The following ICA1 variants were observed in gnomAD, a reference collection of about 807,000 sequenced individuals.
ICA1 encodes the protein islet cell autoantigen 1.
In ICA1, 40 loss-of-function variants were observed where a neutral mutation model predicts 71.0. That is an observed-to-expected ratio of 0.56 (90% CI 0.44 to 0.73). The LOEUF (loss-of-function observed/expected upper bound fraction) is 0.73, where lower values mean the gene tolerates loss of function less well. Ranked by LOEUF, ICA1 falls within the 30% of genes least tolerant of loss-of-function variation. The pLI is 0.00. For synonymous variants in ICA1, 207 were observed against 209.5 expected, an observed-to-expected ratio of 0.99 and a Z score of 0.10; for missense variants, 578 against 576.5, an observed-to-expected ratio of 1.00 and a Z score of -0.03.
intron 6 of ICA1, among the ~76,000 whole-genome samples, chr7:8,205,424 T>A (rs1206733913): frequency 6.6e-6 from 1 of 152,220 alleles, no homozygotes; most frequent in East Asian, 1.9e-4. Flanking sequence ...ATCCTCTGTG[T>A]TCCCAGTCAT....
intron 5 of ICA1, 93 bp from the exon 6 acceptor site, chr7:8,218,596 A>G: frequency 1.0e-6 from 1 of 961,664 alleles, no homozygotes; most frequent in Non-Finnish European, 1.7e-6. Flanking sequence ...GTGAGTCTAG[A>G]ACAGTACCTG....
intron 4 of ICA1, among the ~76,000 whole-genome samples, chr7:8,225,882 A>G (rs538570001): frequency 6.6e-6 from 1 of 152,322 alleles, no homozygotes; most frequent in African/African-American, 2.4e-5. Context: ...ATGTAGTTTC[A>G]GCATTGCTAA....
intron 1 of ICA1, among the ~76,000 whole-genome samples, chr7:8,259,389 C>T (rs960701685): frequency 1.6e-4 from 25 of 152,248 alleles, no homozygotes; most frequent in African/African-American, 5.5e-4. Context: ...TGGTTGCACC[C>T]CCCAACTTCA....
In ICA1 at chr7:8,183,330, A is replaced by G. The variant is rs1042705686; in HGVS notation, c.580-24678T>C. The stretch of plus-strand genomic sequence containing the variant: ...CCAGATATTTGTCCCGTTAAAGGCT[A>G]TTCTAACCCCCGTCTACAGATGTGG... On this transcript the variant is annotated intron_variant, in intron 6 of 13. Transcript: ENST00000402384. Among the ~76,000 whole-genome samples, 5 of 152,332 alleles carry G rather than the reference A, an allele frequency of 3.3e-5. No individual in the cohort carries two copies. The East Asian group carries it at 5.8e-4, about 18-fold the overall frequency.
chr7:8,261,374 C>T (rs1378116999), intron 1 of ICA1, among the ~76,000 whole-genome samples: 1 of 152,092 alleles, frequency 6.6e-6, no homozygotes, highest in Non-Finnish European at 1.5e-5. Flanking sequence ...ATGTTCGTTT[C>T]TAGAGGAAGC....
At chr7:8,189,316 C>A (rs918102944) in intron 6 of ICA1, among the ~76,000 whole-genome samples, 3 of 152,182 alleles carry the variant, frequency 2.0e-5, no homozygotes, top group Non-Finnish European at 4.4e-5. Flanking sequence ...AGGCTTATAA[C>A]TCATTTAGTA....
intron 3 of ICA1, among the ~76,000 whole-genome samples, chr7:8,231,616 G>C (rs981100307): frequency 2.0e-5 from 3 of 152,150 alleles, no homozygotes; most frequent in Admixed American, 1.3e-4. Context: ...AGTTACAGCA[G>C]ATAGTAGGTA....
At chr7:8,248,117 A>G (rs1279093168) in intron 1 of ICA1, among the ~76,000 whole-genome samples, 1 of 152,200 alleles carries the variant, frequency 6.6e-6, no homozygotes, top group African/African-American at 2.4e-5. Flanking sequence ...ACGTCATTTT[A>G]CTTATGCAAA....
At chr7:8,211,190 T>G (rs953321942) in intron 6 of ICA1, among the ~76,000 whole-genome samples, 3 of 152,176 alleles carry the variant, frequency 2.0e-5, no homozygotes, top group Non-Finnish European at 4.4e-5. Flanking sequence ...TTACTTAGCA[T>G]ATGTGTTTTG....
chr7:8,129,156 C>T (rs1218097205), intron 12 of ICA1, among the ~76,000 whole-genome samples: 2 of 152,106 alleles, frequency 1.3e-5, no homozygotes, highest in Non-Finnish European at 2.9e-5. Flanking sequence ...ATTTTGAGAA[C>T]CAAAGACTGA....
intron 6 of ICA1, among the ~76,000 whole-genome samples, chr7:8,184,681 T>A (rs1478576232): frequency 1.3e-5 from 2 of 152,236 alleles, no homozygotes; most frequent in Non-Finnish European, 2.9e-5. Flanking sequence ...GCCTATTGTA[T>A]GTTAAATATA....
At chr7:8,128,227 G>T in intron 12 of ICA1, 85 bp from the exon 13 acceptor site, 1 of 1,391,168 alleles carries the variant, frequency 7.2e-7, no homozygotes, top group South Asian at 1.4e-5. Context: ...CGAAGGGGGA[G>T]ACTGGTTGAT....
At chr7:8,154,524 A>C (rs758361423) in intron 8 of ICA1, among the ~76,000 whole-genome samples, 4 of 152,238 alleles carry the variant, frequency 2.6e-5, no homozygotes, top group Non-Finnish European at 5.9e-5. Context: ...AGAGCTTGGC[A>C]ACCCTCTCTA....
At chr7:8,153,775 A>C (rs991314071) in intron 8 of ICA1, among the ~76,000 whole-genome samples, 3 of 151,240 alleles carry the variant, frequency 2.0e-5, no homozygotes, top group Non-Finnish European at 2.9e-5. Context: ...ACCACGTGAA[A>C]GATAGTCCCA....
chr7:8,163,929 A>G (rs933010446), intron 6 of ICA1, among the ~76,000 whole-genome samples: 1 of 152,156 alleles, frequency 6.6e-6, no homozygotes, highest in African/African-American at 2.4e-5. Context: ...CTTTTAAGCA[A>G]GGAAGAGAGA....
At chr7:8,229,016 C>A (rs773277474) in intron 3 of ICA1, among the ~76,000 whole-genome samples, 23 of 152,018 alleles carry the variant, frequency 1.5e-4, no homozygotes, top group Non-Finnish European at 2.9e-4. Context: ...ACCCAATATT[C>A]ATTCATAATC....
intron 6 of ICA1, among the ~76,000 whole-genome samples, chr7:8,213,421 G>A (rs530593522): frequency 1.8e-4 from 27 of 152,304 alleles, no homozygotes; most frequent in Admixed American, 7.2e-4. Flanking sequence ...GGCATAGGGG[G>A]AGGTGTCCCA....
intron 12 of ICA1, among the ~76,000 whole-genome samples, chr7:8,134,481 T>C (rs929765359): frequency 3.3e-5 from 5 of 152,156 alleles, no homozygotes; most frequent in East Asian, 1.9e-4. Flanking sequence ...GGCAGATAAA[T>C]GTCACTTAAT....
chr7:8,129,850 C>T (rs1477315396), intron 12 of ICA1, among the ~76,000 whole-genome samples: 4 of 122,072 alleles, frequency 3.3e-5, no homozygotes, highest in Non-Finnish European at 6.7e-5. Context: ...GTATCCCTCC[C>T]CCCTCCCCCC....
Sources: allele counts gnomAD v4.1 joint callset (sites outside exome capture counted in the v4.1 genomes callset), GRCh38; gene constraint gnomAD v4.1.1; transcripts MANE v1.5; gene names NCBI Gene and HGNC (gene_info 2026-07-23, HGNC 2026-07-21).